The following CAMSAP1 variants were observed in gnomAD, a reference collection of about 807,000 sequenced individuals.
CAMSAP1 encodes calmodulin-regulated spectrin-associated protein 1.
CAMSAP1 carries 58 observed loss-of-function variants against 143.5 expected under a neutral mutation model. The ratio of observed to expected loss-of-function variants is 0.40; its 90% CI spans 0.33 to 0.50. The LOEUF is 0.50. Ranked by LOEUF, CAMSAP1 falls within the 20% of genes least tolerant of loss-of-function variation. The probability of loss-of-function intolerance (pLI) is 0.45; values close to 1 mark genes in which losing one functional copy is unlikely to be tolerated. For synonymous variants in CAMSAP1, 945 were observed against 859.3 expected (o/e 1.10, Z -1.74); for missense variants, 1,969 against 2,115.7 (o/e 0.93, Z 1.36).
At chr9:135,832,678 A>C (rs1274760153) in intron 7 of CAMSAP1, among the ~76,000 whole-genome samples, 1 of 152,258 alleles carries the variant, frequency 6.6e-6, no homozygotes, top group Non-Finnish European at 1.5e-5. Context: ...CTAATCAACG[A>C]ATTCAGTCAA....
intron 1 of CAMSAP1, among the ~76,000 whole-genome samples, chr9:135,900,725 C>T (rs1466983058): frequency 1.3e-5 from 2 of 151,864 alleles, no homozygotes; most frequent in African/African-American, 4.8e-5. Flanking sequence ...TAGGTGGGAG[C>T]TCAGGAAAGC....
chr9:135,823,385 C>T (rs1013400820), intron 10 of CAMSAP1, 125 bp from the exon 11 acceptor site: 3 of 1,067,718 alleles, frequency 2.8e-6, no homozygotes, highest in African/African-American at 3.2e-5. Context: ...GAGATTTAAA[C>T]TCACTCTTCC....
chr9:135,836,475 T>C (rs1836045074), intron 7 of CAMSAP1: 1 of 983,236 alleles, frequency 1.0e-6, no homozygotes, highest in African/African-American at 1.8e-5. Flanking sequence ...CCACACACTT[T>C]CTACCCTGTT....
At chr9:135,901,089 G>A (rs564941252) in intron 1 of CAMSAP1, among the ~76,000 whole-genome samples, 1 of 152,280 alleles carries the variant, frequency 6.6e-6, no homozygotes, top group South Asian at 2.1e-4. Flanking sequence ...CAAAAGTTAT[G>A]AAAGTAGAAA....
rs1483815479 is a variant in CAMSAP1, at chr9:135,820,470, G to C, written c.3822+369C>G. Among the ~76,000 whole-genome samples, 2 of 152,020 alleles carry C rather than the reference G, an allele frequency of 1.3e-5. No homozygotes were observed. The highest frequency in any genetic ancestry group is 2.9e-5 in the Non-Finnish European group (2 of 68,026). The stretch of plus-strand genomic sequence containing the variant: ...CACAGGCCAGGCCTGGCCACCTCCA[G>C]AGCATTCTAACGACGAACGCTTTTT... On this transcript the variant is annotated intron_variant, in intron 11 of 16. Coordinates refer to ENST00000389532, the MANE Select transcript of CAMSAP1 (RefSeq NM_015447.4). The surrounding 1 kb of genome is among the most constrained non-coding windows in gnomAD (Gnocchi z 4.4).
intron 1 of CAMSAP1, among the ~76,000 whole-genome samples, chr9:135,890,096 G>A (rs1838242134): frequency 6.6e-6 from 1 of 152,118 alleles, no homozygotes; most frequent in South Asian, 2.1e-4. Flanking sequence ...TGCTAGGCCA[G>A]TAAGCCCCCG....
chr9:135,858,864 G>A (rs1387611158), intron 5 of CAMSAP1, among the ~76,000 whole-genome samples: 1 of 152,256 alleles, frequency 6.6e-6, no homozygotes, highest in Non-Finnish European at 1.5e-5. Flanking sequence ...AGGACAGGAA[G>A]AGAGAAGGTG....
Position 135,848,504 on chromosome 9 carries a change from GACAC to G in CAMSAP1, c.1045+1629_1045+1632del, listed in dbSNP as rs35091764. ...AATGAACCACTGCCTTTTAGCCCCA[GACAC>G]ACACACACACACACGCTCACACATG... On this transcript the variant is annotated intron_variant, in intron 7 of 16. Coordinates refer to ENST00000389532, the MANE Select transcript of CAMSAP1 (RefSeq NM_015447.4). 2.7e-4 allele frequency among the ~76,000 whole-genome samples: 40 copies of G among 150,544 alleles called. No homozygotes were observed. In the Middle Eastern group the frequency reaches 0.01, roughly 39 times the overall value.
In CAMSAP1 at chr9:135,811,623, G is replaced by A. The variant is rs1415866916; in HGVS notation, c.4507-12C>T. ...CACTTCTCCAGCTCCTGTGCAGAGA[G>A]AGAAAAGGGGAAGAGACAAACACTT... On this transcript the variant is annotated splice_polypyrimidine_tract_variant and intron_variant, in intron 16 of 16. Coordinates refer to ENST00000389532, the MANE Select transcript of CAMSAP1 (RefSeq NM_015447.4). This position sits in a 1 kb window ranked among gnomAD's most constrained non-coding sequence, Gnocchi z 4.9. 6.4e-7 allele frequency: 1 copy of A among 1,569,606 alleles called. No individual in the cohort carries two copies. Among genetic ancestry groups the A allele is most frequent in the Admixed American group, 1.9e-5 (1 of 53,194 alleles).
intron 7 of CAMSAP1, among the ~76,000 whole-genome samples, chr9:135,831,490 A>G (rs931177272): frequency 2.0e-5 from 3 of 152,042 alleles, no homozygotes; most frequent in Non-Finnish European, 4.4e-5. Flanking sequence ...TAAAAAAAAA[A>G]AAAGGAATTC....
At chr9:135,889,711 G>A (rs562828938) in intron 1 of CAMSAP1, among the ~76,000 whole-genome samples, 383 of 152,324 alleles carry the variant, frequency 2.5e-3, no homozygotes, top group Non-Finnish European at 4.0e-3. Flanking sequence ...AACCCTCATA[G>A]CCCCTCCTCC....
At position 135,822,129 on chromosome 9, in the gene CAMSAP1, C is replaced by T. The variant is rs35871460; in HGVS notation, c.2532G>A (p.Ala844=). 3,020 of 1,612,720 alleles carry T rather than the reference C, an allele frequency of 1.9e-3. 55 individuals are homozygous for T. The African/African-American group carries it at 0.034, about 18-fold the overall frequency. ...TSSSQKTTPD[A]SESCPAPLTT... is the part of the protein sequence containing the mutation. ...TCAGAGGGGCTGGGCAGCTCTCAGACGCATCTGGCGTGGTCTTCTGGGAGC... is the reference window on the plus strand; with the variant it reads ...TCAGAGGGGCTGGGCAGCTCTCAGATGCATCTGGCGTGGTCTTCTGGGAGC... Residue 844 remains alanine, a synonymous_variant, in exon 11 of 17, where the codon GCG becomes GCA. Coordinates refer to ENST00000389532, the MANE Select transcript of CAMSAP1 (RefSeq NM_015447.4). The surrounding 1 kb of genome is among the most constrained non-coding windows in gnomAD (Gnocchi z 6.1).
In CAMSAP1 at chr9:135,862,597, T is replaced by C; in HGVS notation, c.678A>G (p.Arg226=). The C allele has an allele frequency of 6.4e-7, 1 of 1,551,738 alleles. No homozygotes were observed. Among genetic ancestry groups the C allele is most frequent in the Non-Finnish European group, 8.7e-7 (1 of 1,147,012 alleles). Reference sequence around the variant, plus strand: ...ACTGCCTAGCAGAAAGGTGCTCTCGTCGATAGCGGACCTGTAGTTGATAAA... The same window carrying C: ...ACTGCCTAGCAGAAAGGTGCTCTCGCCGATAGCGGACCTGTAGTTGATAAA... ...ESPAHQKVRY[R]REHLSARQSP... Residue 226 remains arginine, a synonymous_variant, in exon 5 of 17, where the codon CGA becomes CGG. Transcript: ENST00000389532.
At position 135,823,083 on chromosome 9, in the gene CAMSAP1, C is replaced by T; in HGVS notation, c.1578G>A (p.Gly526=). 1.2e-6 allele frequency: 2 copies of T among 1,614,036 alleles called. No homozygotes were observed. Among genetic ancestry groups the T allele is most frequent in the Non-Finnish European group, 1.7e-6 (2 of 1,179,902 alleles). Residue 526 remains glycine (G), a synonymous_variant, in exon 11 of 17, where the codon GGG becomes GGA. Transcript: ENST00000389532. ...QPHPTATKSH[G]KSLLSNVSIE... ...TACTGACATTGCTCAGGAGGCTCTTCCCGTGGCTCTTCGTGGCCGTGGGGT... is the reference window on the plus strand; with the variant it reads ...TACTGACATTGCTCAGGAGGCTCTTTCCGTGGCTCTTCGTGGCCGTGGGGT...
chr9:135,845,271 T>A (rs898528274), intron 7 of CAMSAP1, among the ~76,000 whole-genome samples: 4 of 152,270 alleles, frequency 2.6e-5, no homozygotes, highest in Middle Eastern at 3.4e-3. Context: ...AAAAACCACA[T>A]GATTATCTCA....
intron 3 of CAMSAP1, among the ~76,000 whole-genome samples, chr9:135,874,301 C>T (rs1468842380): frequency 6.6e-6 from 1 of 151,954 alleles, no homozygotes; most frequent in South Asian, 2.1e-4. Flanking sequence ...GGCAAAATCC[C>T]CTCTACAAAA....
chr9:135,817,519 G>C (rs1835272869), intron 14 of CAMSAP1, among the ~76,000 whole-genome samples: 1 of 151,956 alleles, frequency 6.6e-6, no homozygotes, highest in African/African-American at 2.4e-5. Flanking sequence ...AGCCTCCCAA[G>C]TAGCTGGGAC....
chr9:135,881,485 C>G (rs1837946711), intron 3 of CAMSAP1, 148 bp downstream of exon 3: 1 of 893,146 alleles, frequency 1.1e-6, no homozygotes, highest in Non-Finnish European at 1.7e-6. Flanking sequence ...TTTTTAACTA[C>G]AGCAGACACA....
At chr9:135,862,419 T>C in intron 5 of CAMSAP1, 48 bp downstream of exon 5, 1 of 1,541,028 alleles carries the variant, frequency 6.5e-7, no homozygotes, top group South Asian at 1.2e-5. Flanking sequence ...ACTATAATTT[T>C]CCTTTAAGCC....
Sources: allele counts gnomAD v4.1 joint callset (sites outside exome capture counted in the v4.1 genomes callset), GRCh38; gene constraint gnomAD v4.1.1; non-coding constraint Gnocchi (gnomAD v3.1); transcripts MANE v1.5; gene names NCBI Gene and HGNC (gene_info 2026-07-23, HGNC 2026-07-21).